Variants in ABAT observed in about 807,000 individuals in gnomAD.
The protein encoded by ABAT is 4-aminobutyrate aminotransferase.
ABAT carries 45 observed loss-of-function variants against 64.6 expected under a neutral mutation model. That is an observed-to-expected ratio of 0.70 (90% CI 0.55 to 0.89). The LOEUF is 0.89. ABAT is among the 40% of genes least tolerant of loss of function. The pLI is 0.00. For missense variants in ABAT, 633 were observed against 658.4 expected, an observed-to-expected ratio of 0.96 and a Z score of 0.42; for synonymous variants, 297 against 250.5, an observed-to-expected ratio of 1.19 and a Z score of -1.75.
chr16:8,720,651 G>C lies in ABAT; in HGVS notation c.-41-15048G>C, dbSNP rs540399772. 3 of 152,412 alleles carry C rather than the reference G, an allele frequency of 2.0e-5. No homozygotes were observed. In the South Asian group the frequency reaches 6.2e-4, roughly 32 times the overall value. 9.4% of individuals were successfully genotyped at this position (152,412 alleles called of 1,614,324 possible). The stretch of plus-strand genomic sequence containing the variant: ...CCCATCTGCACAGGCCCACGGCTCC[G>C]GCTTTATGGGTTGCTATGGCAACCC... On this transcript the variant is annotated intron_variant, in intron 1 of 15. Transcript: ENST00000268251.
intron 3 of ABAT, among the ~76,000 whole-genome samples, chr16:8,746,398 C>T (rs941775331): frequency 1.3e-5 from 2 of 150,714 alleles, no homozygotes; most frequent in African/African-American, 4.9e-5. Flanking sequence ...ACTCAAAATA[C>T]AAAAATTAGC....
intron 1 of ABAT, among the ~76,000 whole-genome samples, chr16:8,708,793 G>A (rs553960413): frequency 2.1e-4 from 32 of 152,294 alleles, no homozygotes; most frequent in Non-Finnish European, 3.8e-4. Flanking sequence ...GGGATCTTGG[G>A]CATGTTCTAA....
intron 15 of ABAT, chr16:8,780,771 A>G (rs1449024969): frequency 2.6e-4 from 49 of 191,078 alleles, no homozygotes; most frequent in African/African-American, 1.2e-3. Flanking sequence ...TCTAAAAAAA[A>G]AAAAAAAAAA....
At chr16:8,727,690 A>T (rs2142271348) in intron 1 of ABAT, among the ~76,000 whole-genome samples, 1 of 152,324 alleles carries the variant, frequency 6.6e-6, no homozygotes, top group East Asian at 1.9e-4. Flanking sequence ...AAATTCTTCC[A>T]TTTTCTTTCC....
chr16:8,757,093 A>G (rs1320284834), intron 5 of ABAT: 1 of 446,790 alleles, frequency 2.2e-6, no homozygotes, highest in Middle Eastern at 3.4e-4. Context: ...TCCTATCTGC[A>G]ATCCAGCACT....
chr16:8,769,553 T>G (rs191149123), intron 11 of ABAT, among the ~76,000 whole-genome samples: 1,434 of 113,096 alleles, frequency 0.013, 28 homozygotes, highest in African/African-American at 0.049. Context: ...AGTGAGACTC[T>G]GTCCAAAAAA....
At chr16:8,707,683 C>A (rs34698480) in intron 1 of ABAT, among the ~76,000 whole-genome samples, 1 of 152,168 alleles carries the variant, frequency 6.6e-6, no homozygotes, top group African/African-American at 2.4e-5. Flanking sequence ...ACCGTGGAAC[C>A]TAAAAGCTAG....
At chr16:8,751,095 C>G (rs1406366312) in intron 5 of ABAT, among the ~76,000 whole-genome samples, 3 of 151,900 alleles carry the variant, frequency 2.0e-5, no homozygotes, top group African/African-American at 7.3e-5. Flanking sequence ...ATTACAGGCA[C>G]ACGCCACCAT....
At chr16:8,771,437 T>C (rs1219362874) in intron 11 of ABAT, among the ~76,000 whole-genome samples, 1 of 151,060 alleles carries the variant, frequency 6.6e-6, no homozygotes, top group Non-Finnish European at 1.5e-5. Flanking sequence ...CTTGTTAGTC[T>C]ATCTAGGTGT....
intron 14 of ABAT, 93 bp from the exon 15 acceptor site, chr16:8,779,386 A>G: frequency 9.4e-7 from 1 of 1,065,374 alleles, no homozygotes; most frequent in African/African-American, 1.6e-5. Context: ...CCGAGGCTGG[A>G]CCATGGGAGG....
At chr16:8,773,059 G>A (rs1567315590) in intron 12 of ABAT, 142 bp downstream of exon 12, 5 of 1,092,114 alleles carry the variant, frequency 4.6e-6, no homozygotes, top group South Asian at 1.3e-5. Context: ...ATCAGGGGTG[G>A]AGAAGTTGGG....
At chr16:8,694,240 C>T (rs947705427) in intron 1 of ABAT, among the ~76,000 whole-genome samples, 1 of 150,526 alleles carries the variant, frequency 6.6e-6, no homozygotes, top group African/African-American at 2.4e-5. Context: ...ACCGTGTTAG[C>T]CAGAATGGTC....
Position 8,781,359 on chromosome 16 carries a change from C to A in ABAT, c.1432C>A (p.Leu478Met), listed in dbSNP as rs2060434105. 1 of 1,614,042 alleles carries A rather than the reference C, an allele frequency of 6.2e-7. No individual in the cohort carries two copies. The highest frequency in any genetic ancestry group is 1.3e-5 in the African/African-American group (1 of 74,908). The part of the protein sequence containing the change: ...GDKSIRFRPT[L>M]VFRDHHAHLF... The stretch of plus-strand genomic sequence containing the variant: ...CAAATCCATTCGTTTCCGTCCCACG[C>A]TGGTCTTCAGGGATCACCACGCTCA... Residue 478 changes from leucine (L) to methionine (M), a missense_variant, in exon 16 of 16, where the codon CTG becomes ATG. Transcript: ENST00000268251. The surrounding 1 kb of genome is among the most constrained non-coding windows in gnomAD (Gnocchi z 4.5).
At chr16:8,736,036 G>A (rs1303521249) in intron 2 of ABAT, 2 of 531,902 alleles carry the variant, frequency 3.8e-6, no homozygotes, top group East Asian at 3.3e-5. Flanking sequence ...TCATATGGCT[G>A]GGGAGGCCTC....
chr16:8,754,489 G>C (rs1362796989), intron 5 of ABAT, among the ~76,000 whole-genome samples: 2 of 152,166 alleles, frequency 1.3e-5, no homozygotes, highest in African/African-American at 4.8e-5. Context: ...TGCAGCGATT[G>C]CATGTTCAAA....
chr16:8,772,303 T>A (rs1010595037), intron 11 of ABAT, among the ~76,000 whole-genome samples: 6 of 122,314 alleles, frequency 4.9e-5, no homozygotes, highest in African/African-American at 1.7e-4. Context: ...TGTGTGTGTG[T>A]GAATGCTCTC....
At chr16:8,744,557 G>A (rs1007126900) in intron 2 of ABAT, among the ~76,000 whole-genome samples, 1 of 151,662 alleles carries the variant, frequency 6.6e-6, no homozygotes, top group Non-Finnish European at 1.5e-5. Flanking sequence ...TGATAGAGAC[G>A]GGATTTCGCC....
chr16:8,733,228 A>C (rs1328195110), intron 1 of ABAT, among the ~76,000 whole-genome samples: 2 of 148,528 alleles, frequency 1.3e-5, no homozygotes, highest in East Asian at 4.0e-4. Flanking sequence ...CTCACTTCTC[A>C]GACGGGGCGG....
At chr16:8,684,352 C>T (rs1258357289) in intron 1 of ABAT, among the ~76,000 whole-genome samples, 1 of 152,028 alleles carries the variant, frequency 6.6e-6, no homozygotes. Context: ...GTGGGTGGAT[C>T]ACTTGAACCC....
Sources: gnomAD v4.1 joint callset for allele counts (sites outside exome capture counted in the v4.1 genomes callset) on GRCh38, gnomAD v4.1.1 for gene constraint, Gnocchi (gnomAD v3.1) non-coding constraint, MANE v1.5 for transcripts, NCBI Gene and HGNC (gene_info 2026-07-23, HGNC 2026-07-21) for gene names.